Variants in MPP2 observed in about 807,000 individuals in gnomAD.
MPP2 encodes the protein MAGUK p55 subfamily member 2.
MPP2 carries 42 observed loss-of-function variants against 58.5 expected under a neutral mutation model. The observed-to-expected ratio is 0.72, with a 90% CI of 0.56 to 0.93. MPP2 has a LOEUF of 0.93. Among genes scored for constraint, MPP2 ranks in the 40% least tolerant of loss-of-function variants. The pLI is 0.00. For missense variants in MPP2, 632 were observed against 760.4 expected, an observed-to-expected ratio of 0.83 and a Z score of 1.99; for synonymous variants, 300 against 307.8, an observed-to-expected ratio of 0.97 and a Z score of 0.26.
In MPP2 at chr17:43,876,417, G is replaced by A. The variant is rs2046831304; in HGVS notation, c.*1390C>T. 1 of 152,204 alleles carries A rather than the reference G, an allele frequency of 6.6e-6. No homozygotes were observed. The highest frequency in any genetic ancestry group is 6.5e-5 in the Admixed American group (1 of 15,274). 9.4% of individuals were successfully genotyped at this position (152,204 alleles called of 1,614,324 possible). ...AGGACAGCATTCTTTCTTAAAGGGA[G>A]TCTCCTATTTTACAAAACTGCCCTC... On this transcript the variant is annotated 3_prime_UTR_variant, in exon 13 of 13. Transcript: ENST00000269095.
chr17:43,878,090 G>T, intron 12 of MPP2, 107 bp from the exon 13 acceptor site: 1 of 1,243,212 alleles, frequency 8.0e-7, no homozygotes, highest in Non-Finnish European at 1.1e-6. Context: ...GCCCAACCCT[G>T]GTGTGGACTC....
rs1290792442 is a variant in MPP2, at chr17:43,876,029, G to A, written c.*1778C>T. On this transcript the variant is annotated 3_prime_UTR_variant, in exon 13 of 13. Transcript: ENST00000269095. ...AAGGACACTGACTAAGGGAAAAGAG[G>A]AGCAGGAGAATGAGTGTGTAGTATA... The A allele has an allele frequency of 6.6e-6, 1 of 152,464 alleles. No individual in the cohort carries two copies. Among genetic ancestry groups the A allele is most frequent in the African/African-American group, 2.4e-5 (1 of 41,424 alleles). 9.4% of individuals were successfully genotyped at this position (152,464 alleles called of 1,614,324 possible).
At chr17:43,889,587 C>T (rs1001826998) in intron 3 of MPP2, among the ~76,000 whole-genome samples, 3 of 151,730 alleles carry the variant, frequency 2.0e-5, no homozygotes, top group Non-Finnish European at 4.4e-5. Context: ...CCTTGAACTC[C>T]AGACCTCAGG....
In MPP2 at chr17:43,904,456, G is replaced by C. The variant is rs146765164; in HGVS notation, c.5C>G (p.Pro2Arg). The C allele has an allele frequency of 8.1e-5, 130 of 1,613,874 alleles. No homozygotes were observed. In the African/African-American group the frequency reaches 1.5e-3, roughly 19 times the overall value. ...AGTTTCAGAGTTGGTGGCGGCAACC[G>C]GCATGGTGAAGGAGGCAAGGGCTCT... is the stretch of plus-strand genomic sequence containing the variant. MPVAATNSETAM... is the reference protein window; with the variant it reads MRVAATNSETAM... Residue 2 changes from proline (P) to arginine (R), a missense_variant, in exon 2 of 13, where the codon CCG becomes CGG. Physicochemically the swap from Pro to Arg is moderately radical, Grantham distance 103. Coordinates refer to ENST00000269095, the MANE Select transcript of MPP2 (RefSeq NM_005374.5).
chr17:43,903,318 T>A (rs1370793883), intron 2 of MPP2, among the ~76,000 whole-genome samples: 1 of 151,534 alleles, frequency 6.6e-6, no homozygotes, highest in East Asian at 1.9e-4. Flanking sequence ...AGAACACTGA[T>A]CTTGTCCCAT....
chr17:43,896,485 G>A (rs1476075427), intron 3 of MPP2, among the ~76,000 whole-genome samples: 2 of 144,524 alleles, frequency 1.4e-5, no homozygotes, highest in Non-Finnish European at 3.1e-5. Flanking sequence ...CAAATACTCT[G>A]TGACCTCAGA....
At chr17:43,903,384 A>G (rs1488243571) in intron 2 of MPP2, among the ~76,000 whole-genome samples, 2 of 152,224 alleles carry the variant, frequency 1.3e-5, no homozygotes, top group Non-Finnish European at 2.9e-5. Context: ...TTTCAAGGAC[A>G]CAGGGTTAAT....
upstream of MPP2, chr17:43,909,680 A>G (rs2048387375): frequency 1.6e-6 from 2 of 1,238,716 alleles, no homozygotes; most frequent in Non-Finnish European, 2.1e-6. Context: ...TCGTCGGTCA[A>G]CAAGTATCTC....
In MPP2 at chr17:43,907,517, C is replaced by T; in HGVS notation, c.-77G>A. On this transcript the variant is annotated 5_prime_UTR_variant, in exon 1 of 13. Coordinates refer to ENST00000269095, the MANE Select transcript of MPP2 (RefSeq NM_005374.5). ...CTAGCTCCGGGCGGCTCCAGCGCAGCCGGGCGCTCAGCGTTTATTGCTTGT... is the reference window on the plus strand; with the variant it reads ...CTAGCTCCGGGCGGCTCCAGCGCAGTCGGGCGCTCAGCGTTTATTGCTTGT... 1.0e-6 allele frequency: 1 copy of T among 985,522 alleles called. No individual in the cohort carries two copies. The highest frequency in any genetic ancestry group is 1.2e-6 in the Non-Finnish European group (1 of 829,970). 61.0% of individuals were successfully genotyped at this position (985,522 alleles called of 1,614,324 possible). A position where few individuals can be genotyped will look rare whatever the true frequency, so the allele number is the denominator to read the frequency against.
intron 3 of MPP2, among the ~76,000 whole-genome samples, chr17:43,894,616 GAAAAA>G (rs36073194): frequency 1.5e-5 from 1 of 66,086 alleles, no homozygotes; most frequent in African/African-American, 5.8e-5. Context: ...GACTCCAGAG[GAAAAA>G]AAAAAAAAAA....
In MPP2 at chr17:43,883,210, TG is replaced by T. The variant is rs2143579839; in HGVS notation, c.295del (p.His99ThrfsTer55). 6.2e-7 allele frequency: 1 copy of T among 1,603,972 alleles called. No homozygotes were observed. The highest frequency in any genetic ancestry group is 8.5e-7 in the Non-Finnish European group (1 of 1,174,572). Reference sequence around the variant, plus strand: ...GCCCTAGCAGCCAGGAACCTGGAAGTGGGGCTCCTGGAGGATGTGGGCCAGC... The same window carrying T: ...GCCCTAGCAGCCAGGAACCTGGAAGTGGGCTCCTGGAGGATGTGGGCCAGC... ...AELAHILQEP[H>X]FQSLLETHDS... On this transcript the variant is annotated frameshift_variant, in exon 4 of 13. Transcript: ENST00000269095. LOFTEE classifies it high-confidence loss of function.
intron 3 of MPP2, among the ~76,000 whole-genome samples, chr17:43,893,054 T>G (rs1258516186): frequency 1.3e-5 from 2 of 151,930 alleles, no homozygotes. Flanking sequence ...GTGAATGACA[T>G]AGCCAGCCAG....
intron 2 of MPP2, among the ~76,000 whole-genome samples, chr17:43,902,293 C>A (rs1219164180): frequency 6.6e-6 from 1 of 152,114 alleles, no homozygotes; most frequent in African/African-American, 2.4e-5. Context: ...TCCTCCCCCA[C>A]CACGCCCCCA....
chr17:43,891,477 T>C (rs977413500), intron 3 of MPP2, among the ~76,000 whole-genome samples: 6 of 150,258 alleles, frequency 4.0e-5, no homozygotes, highest in African/African-American at 1.5e-4. Context: ...ATTGCACCAT[T>C]ACACTCCAGC....
Position 43,904,467 on chromosome 17 carries a change from G to A in MPP2, c.-7C>T, listed in dbSNP as rs771813229. ...TGGTGGCGGCAACCGGCATGGTGAA[G>A]GAGGCAAGGGCTCTGAAACGTCTCT... On this transcript the variant is annotated 5_prime_UTR_variant, in exon 2 of 13. Transcript: ENST00000269095. 1.2e-6 allele frequency: 2 copies of A among 1,614,074 alleles called. No individual in the cohort carries two copies. The highest frequency in any genetic ancestry group is 1.7e-6 in the Non-Finnish European group (2 of 1,179,944).
At chr17:43,882,153 TG>T in intron 6 of MPP2, 130 bp downstream of exon 6, 2 of 852,864 alleles carry the variant, frequency 2.3e-6, no homozygotes, top group Non-Finnish European at 3.7e-6. Flanking sequence ...CAGCTGCCCC[TG>T]GGCTGCAGGT....
At position 43,879,973 on chromosome 17, in the gene MPP2, G is replaced by A. The variant is rs765272330; in HGVS notation, c.1162C>T (p.Arg388Trp). 13 of 1,613,878 alleles carry A rather than the reference G, an allele frequency of 8.1e-6. No individual in the cohort carries two copies. Among genetic ancestry groups the A allele is most frequent in the African/African-American group, 1.3e-5 (1 of 74,880 alleles). ...CCTTCCCGCTCTGAGTCTTTCGGCC[G>A]CCGGGAGGTGTCTAGGGGGATGGGG... ...YGTTVPYTSR[R>W]PKDSEREGQG... is the part of the protein sequence containing the mutation. The change falls in exon 11 of 13, where the codon CGG becomes TGG. Residue 388 changes from arginine (R) to tryptophan (W), a missense_variant. Coordinates refer to ENST00000269095, the MANE Select transcript of MPP2 (RefSeq NM_005374.5). This position sits in a 1 kb window ranked among gnomAD's most constrained non-coding sequence, Gnocchi z 4.1.
chr17:43,899,188 A>G (rs2047981079), intron 2 of MPP2, among the ~76,000 whole-genome samples: 1 of 152,188 alleles, frequency 6.6e-6, no homozygotes, highest in Non-Finnish European at 1.5e-5. Flanking sequence ...CGGAGGTTGC[A>G]GTAAGCTGAG....
chr17:43,908,947 C>T (rs2048375721), upstream of MPP2, among the ~76,000 whole-genome samples: 1 of 152,216 alleles, frequency 6.6e-6, no homozygotes, highest in Admixed American at 6.5e-5. Flanking sequence ...CCATCGAACC[C>T]AGATAGCTTT....
Sources: gnomAD v4.1 joint callset for allele counts (sites outside exome capture counted in the v4.1 genomes callset) on GRCh38, gnomAD v4.1.1 for gene constraint, Gnocchi (gnomAD v3.1) non-coding constraint, MANE v1.5 for transcripts, NCBI Gene and HGNC (gene_info 2026-07-23, HGNC 2026-07-21) for gene names.